Variants in PLEKHJ1 observed in about 807,000 individuals in gnomAD.
PLEKHJ1 encodes the protein pleckstrin homology domain containing J1.
In PLEKHJ1, 20 loss-of-function variants were observed where a neutral mutation model predicts 21.7. The ratio of observed to expected loss-of-function variants is 0.92; its 90% confidence interval spans 0.65 to 1.34. The LOEUF is 1.34. Among genes scored for constraint, PLEKHJ1 ranks in the 40% most tolerant of loss-of-function variants. The pLI, the probability that PLEKHJ1 is intolerant of heterozygous loss-of-function variation, is 0.00. For missense variants in PLEKHJ1, 241 were observed against 202.0 expected (o/e 1.19, Z -1.17); for synonymous variants, 113 against 80.6 (o/e 1.40, Z -2.15).
In PLEKHJ1 at chr19:2,233,723, G is replaced by T; in HGVS notation, c.*117C>A. On this transcript the variant is annotated 3_prime_UTR_variant, in exon 6 of 6. Coordinates refer to ENST00000326631, the MANE Select transcript of PLEKHJ1 (RefSeq NM_018049.3). ...TGCACTCTAGCCTGGGCAACACAGT[G>T]AAACCCTGACCCAAAAACCAAAAAC... is the stretch of plus-strand genomic sequence containing the variant. 1 of 935,008 alleles carries T rather than the reference G, an allele frequency of 1.1e-6. No homozygotes were observed. The highest frequency in any genetic ancestry group is 1.6e-6 in the Non-Finnish European group (1 of 618,610). 57.9% of individuals were successfully genotyped at this position (935,008 alleles called of 1,614,324 possible). A position where few individuals can be genotyped will look rare whatever the true frequency, so the allele number is the denominator to read the frequency against.
At position 2,233,492 on chromosome 19, in the gene PLEKHJ1, T is replaced by C. The variant is rs1318195453; in HGVS notation, c.*348A>G. On this transcript the variant is annotated 3_prime_UTR_variant, in exon 6 of 6. Coordinates refer to ENST00000326631, the MANE Select transcript of PLEKHJ1 (RefSeq NM_018049.3). ...TGGGGCCCCAGGGAGCGCAGCTTGC[T>C]GGGCAGTTTCATAAAATGCAGCCCC... The C allele has an allele frequency of 2.9e-6, 1 of 343,692 alleles. No homozygotes were observed. The highest frequency in any genetic ancestry group is 2.1e-5 in the African/African-American group (1 of 47,490). The allele number at this position is 343,692 out of a possible 1,614,324, so 21.3% of individuals were successfully genotyped here.
chr19:2,233,980 C>T lies in PLEKHJ1; in HGVS notation c.384+18G>A. Reference sequence around the variant, plus strand: ...CCACCTGCAGCCCCACCCCGGCCCTCTGCAGCCCTGCACACACCTTGCCCG... The same window carrying T: ...CCACCTGCAGCCCCACCCCGGCCCTTTGCAGCCCTGCACACACCTTGCCCG... On this transcript the variant is annotated intron_variant, in intron 5 of 5. Coordinates refer to ENST00000326631, the MANE Select transcript of PLEKHJ1 (RefSeq NM_018049.3). The T allele has an allele frequency of 6.2e-7, 1 of 1,612,530 alleles. No homozygotes were observed. The highest frequency in any genetic ancestry group is 8.5e-7 in the Non-Finnish European group (1 of 1,179,548).
chr19:2,231,057 AGAG>A, downstream of PLEKHJ1: 1 of 234,446 alleles, frequency 4.3e-6, no homozygotes, highest in Non-Finnish European at 8.4e-6. Context: ...GTGTGGAAGG[AGAG>A]GAGCTGAGGC....
At chr19:2,232,339 A>T (rs1002396471), downstream of PLEKHJ1, 2 of 80,952 alleles carry the variant, frequency 2.5e-5, no homozygotes, top group Non-Finnish European at 2.6e-5. Context: ...CAGGCCCCCC[A>T]CCCCCCGCCG....
At chr19:2,230,576 G>T, downstream of PLEKHJ1, 1 of 398,732 alleles carries the variant, frequency 2.5e-6, no homozygotes, top group Non-Finnish European at 4.4e-6. Context: ...CATGCCCTGC[G>T]ATGCGGGGCA....
At chr19:2,234,347 T>C (rs1278680339) in intron 3 of PLEKHJ1, 107 bp from the exon 4 acceptor site, 3 of 779,516 alleles carry the variant, frequency 3.8e-6, no homozygotes, top group African/African-American at 1.7e-5. Flanking sequence ...GATGTGTTCA[T>C]GTCCTGACCC....
At chr19:2,234,560 T>G in intron 3 of PLEKHJ1, 1 of 295,802 alleles carries the variant, frequency 3.4e-6, no homozygotes, top group Admixed American at 4.9e-5. Context: ...AAAACAAAAA[T>G]TAGCCAGGTG....
chr19:2,235,544 G>A (rs1599646428), intron 3 of PLEKHJ1: 1 of 583,968 alleles, frequency 1.7e-6, no homozygotes, highest in Non-Finnish European at 3.0e-6. Context: ...AGTCTGGGAG[G>A]GACCCAAGCT....
chr19:2,230,981 C>G, downstream of PLEKHJ1: 1 of 248,090 alleles, frequency 4.0e-6, no homozygotes, highest in Non-Finnish European at 7.8e-6. Context: ...CCTGGCCTCT[C>G]TGGCCCTAGG....
intron 1 of PLEKHJ1, 70 bp downstream of exon 1, chr19:2,236,085 C>G: frequency 7.1e-7 from 1 of 1,400,702 alleles, no homozygotes; most frequent in Non-Finnish European, 9.3e-7. Flanking sequence ...CGGCCTCCGG[C>G]ACCCCCGCCC....
chr19:2,231,727 G>C (rs1306167749), downstream of PLEKHJ1: 21 of 213,556 alleles, frequency 9.8e-5, no homozygotes, highest in Admixed American at 1.2e-3. Flanking sequence ...TGATGGCAGA[G>C]ACGGCCGAGT....
In PLEKHJ1 at chr19:2,233,528, C is replaced by G; in HGVS notation, c.*312G>C. 1 of 468,040 alleles carries G rather than the reference C, an allele frequency of 2.1e-6. No homozygotes were observed. The highest frequency in any genetic ancestry group is 3.8e-6 in the Non-Finnish European group (1 of 262,802). The allele number at this position is 468,040 out of a possible 1,614,324, so 29.0% of individuals were successfully genotyped here. The stretch of plus-strand genomic sequence containing the variant: ...ATAAAATGCAGCCCCTGCCCACACC[C>G]ACCTGGCTTCAGGCTTTGGATGTCT... On this transcript the variant is annotated 3_prime_UTR_variant, in exon 6 of 6. Transcript: ENST00000326631.
chr19:2,234,624 G>A, intron 3 of PLEKHJ1: 1 of 229,634 alleles, frequency 4.4e-6, no homozygotes, highest in South Asian at 6.0e-5. Context: ...TGGGAGGACT[G>A]CTTGAGCCAA....
chr19:2,230,327 C>T (rs2024545010), downstream of PLEKHJ1: 3 of 415,212 alleles, frequency 7.2e-6, no homozygotes, highest in East Asian at 3.5e-5. Context: ...GAGGCCTCCC[C>T]GCGGCCTGAG....
intron 3 of PLEKHJ1, 162 bp from the exon 4 acceptor site, chr19:2,234,402 C>T (rs920565007): frequency 1.9e-5 from 11 of 593,346 alleles, no homozygotes; most frequent in Non-Finnish European, 3.3e-5. Context: ...AGGGTCTTTG[C>T]ATATAAACTA....
chr19:2,233,988 C>T lies in PLEKHJ1; in HGVS notation c.384+10G>A, dbSNP rs749903995. On this transcript the variant is annotated intron_variant, in intron 5 of 5. Coordinates refer to ENST00000326631, the MANE Select transcript of PLEKHJ1 (RefSeq NM_018049.3). ...AGCCCCACCCCGGCCCTCTGCAGCC[C>T]TGCACACACCTTGCCCGTCACCTTC... 7 of 1,613,036 alleles carry T rather than the reference C, an allele frequency of 4.3e-6. No homozygotes were observed. The highest frequency in any genetic ancestry group is 1.1e-5 in the South Asian group (1 of 91,072).
rs1437540987 is a variant in PLEKHJ1 at position 2,235,803 on chromosome 19, C to T, written c.188G>A (p.Arg63His). The T allele has an allele frequency of 1.3e-6, 2 of 1,551,476 alleles. No homozygotes were observed. Among genetic ancestry groups the T allele is most frequent in the Non-Finnish European group, 1.7e-6 (2 of 1,147,774 alleles). ...GGGCTCTTCCCGGACGACTCTGCAGCGCTCCAGCAGCAGGGCTCCGACGGG... is the reference window on the plus strand; with the variant it reads ...GGGCTCTTCCCGGACGACTCTGCAGTGCTCCAGCAGCAGGGCTCCGACGGG... ...AEPVGALLLE[R>H]CRVVREEPGT... The change falls in exon 3 of 6, where the codon CGC (arginine) becomes CAC (histidine). Residue 63 changes from arginine (R) to histidine (H), a missense_variant. Arg to His is a conservative substitution (Grantham distance 29). Transcript: ENST00000326631.
downstream of PLEKHJ1, among the ~76,000 whole-genome samples, chr19:2,232,759 C>G (rs1181776765): frequency 6.6e-6 from 1 of 151,954 alleles, no homozygotes; most frequent in East Asian, 1.9e-4. Flanking sequence ...ATGAGGGCAC[C>G]AGGCCACAGG....
At chr19:2,235,561 G>A (rs2024776313) in intron 3 of PLEKHJ1, 3 of 592,130 alleles carry the variant, frequency 5.1e-6, no homozygotes, top group Non-Finnish European at 9.0e-6. Flanking sequence ...AGCTTAAGTG[G>A]ACTCGGCAGG....
Sources: allele counts gnomAD v4.1 joint callset (sites outside exome capture counted in the v4.1 genomes callset), GRCh38; gene constraint gnomAD v4.1.1; transcripts MANE v1.5; gene names NCBI Gene and HGNC (gene_info 2026-07-23, HGNC 2026-07-21).